The following SIGLEC5 variants were observed in gnomAD, a reference collection of about 807,000 sequenced individuals.
SIGLEC5 encodes the protein sialic acid-binding Ig-like lectin 5.
In SIGLEC5, 34 loss-of-function variants were observed where a neutral mutation model predicts 45.9. That is an observed-to-expected ratio of 0.74 (90% CI 0.56 to 0.99). SIGLEC5 has a LOEUF of 0.99. Ranked by LOEUF, SIGLEC5 falls within the 50% of genes least tolerant of loss-of-function variation. The pLI is 0.00. For missense variants in SIGLEC5, 508 were observed against 629.6 expected, an observed-to-expected ratio of 0.81 and a Z score of 2.07; for synonymous variants, 203 against 258.6, an observed-to-expected ratio of 0.79 and a Z score of 2.06.
rs1568591939 is a variant in SIGLEC5, at chr19:51,626,046, C to G, written c.1450G>C (p.Gly484Arg). The change falls in exon 8 of 9, where the codon GGT (glycine) becomes CGT (arginine). Residue 484 changes from glycine to arginine, a missense_variant. Physicochemically the swap from Gly to Arg is moderately radical, Grantham distance 125 (BLOSUM62 -2). This residue lies in a region of SIGLEC5 where 431 missense variants were observed against 428.8 expected (regional missense o/e 1.01). Coordinates refer to ENST00000683636, the MANE Select transcript of SIGLEC5 (RefSeq NM_003830.4). ...AAACCACTCACCGAGGTGATGGTAC[C>G]CATAATGGGGTCTTCATCATCCATT... ...EKMDDEDPIMGTITSGSRKKP... is the reference protein window; with the variant it reads ...EKMDDEDPIMRTITSGSRKKP... 6.2e-7 allele frequency: 1 copy of G among 1,613,788 alleles called. No homozygotes were observed.
In SIGLEC5 at chr19:51,629,271, TACACACAC is replaced by T. The variant is rs72330913; in HGVS notation, c.700+79_700+86del. The T allele has an allele frequency of 3.8e-4, 546 of 1,439,298 alleles. 1 individual carries two copies. The highest frequency in any genetic ancestry group is 1.5e-3 in the African/African-American group (101 of 67,012). The allele number at this position is 1,439,298 out of a possible 1,614,324, so 89.2% of individuals were successfully genotyped here. ...TTGTTTTGTTTCTCTCTGTCTTCCT[TACACACAC>T]ACACACACACACACACACACACACA... On this transcript the variant is annotated intron_variant, in intron 3 of 8. Coordinates refer to ENST00000683636, the MANE Select transcript of SIGLEC5 (RefSeq NM_003830.4).
rs754333092 is a variant in SIGLEC5, at chr19:51,612,231, T to C, written c.1656A>G (p.Ter552TrpextTer42). The C allele has an allele frequency of 6.9e-6, 11 of 1,590,786 alleles. No individual in the cohort carries two copies. The highest frequency in any genetic ancestry group is 9.4e-6 in the Non-Finnish European group (11 of 1,165,080). Residue 552 changes from the stop codon to tryptophan (W), a stop_lost, in exon 9 of 9, where the codon TGA becomes TGG. Transcript: ENST00000683636. ...CCAGGACTGAACTCTGGGCAAATCC[T>C]CACTTGCTTGTCTTGATCTCCGAGT... is the stretch of plus-strand genomic sequence containing the variant. ...TEYSEIKTSK* is the reference protein window; with the variant it reads ...TEYSEIKTSKW
chr19:51,625,963 G>A, intron 8 of SIGLEC5, 69 bp downstream of exon 8: 1 of 1,268,310 alleles, frequency 7.9e-7, no homozygotes, highest in Non-Finnish European at 1.2e-6. Context: ...GGGTTTGGTG[G>A]AATGCTGAAG....
chr19:51,626,078 G>C lies in SIGLEC5; in HGVS notation c.1418C>G (p.Pro473Arg). The stretch of plus-strand genomic sequence containing the variant: ...GGGGTCTTCATCATCCATTTTCTCT[G>C]GTCTCCCAGCTGCTTGCTTCCTGCG... ...KARRKQAAGR[P>R]EKMDDEDPIM... is the part of the protein sequence containing the mutation. The change falls in exon 8 of 9, where the codon CCA becomes CGA. Residue 473 changes from proline to arginine, a missense_variant. By Grantham distance (103) the Pro-to-Arg change is moderately radical. Coordinates refer to ENST00000683636, the MANE Select transcript of SIGLEC5 (RefSeq NM_003830.4). 6.2e-7 allele frequency: 1 copy of C among 1,613,874 alleles called. No individual in the cohort carries two copies. Among genetic ancestry groups the C allele is most frequent in the Non-Finnish European group, 8.5e-7 (1 of 1,180,014 alleles).
At chr19:51,628,243 T>C (rs1287399187) in intron 4 of SIGLEC5, 152 bp from the exon 5 acceptor site, 2 of 890,016 alleles carry the variant, frequency 2.2e-6, no homozygotes, top group African/African-American at 3.4e-5. Flanking sequence ...GCTGGGCCTT[T>C]GCACACTCAG....
At chr19:51,615,412 C>T (rs376674135) in intron 8 of SIGLEC5, among the ~76,000 whole-genome samples, 2 of 152,186 alleles carry the variant, frequency 1.3e-5, no homozygotes, top group South Asian at 2.1e-4. Flanking sequence ...TTTCTCTCCT[C>T]TACCCTTCCA....
intron 8 of SIGLEC5, among the ~76,000 whole-genome samples, chr19:51,616,061 C>T (rs1241349365): frequency 6.6e-6 from 1 of 152,236 alleles, no homozygotes; most frequent in African/African-American, 2.4e-5. Flanking sequence ...TAGGCGTGAG[C>T]CACCGTGCCC....
At chr19:51,623,414 G>A (rs1007491289) in intron 8 of SIGLEC5, among the ~76,000 whole-genome samples, 2 of 152,072 alleles carry the variant, frequency 1.3e-5, no homozygotes, top group Non-Finnish European at 2.9e-5. Context: ...CACATACAAT[G>A]AGAAAAATAG....
In SIGLEC5 at chr19:51,627,443, C is replaced by T. The variant is rs1280577444; in HGVS notation, c.1282+19G>A. 6.2e-7 allele frequency: 1 copy of T among 1,602,720 alleles called. No individual in the cohort carries two copies. Among genetic ancestry groups the T allele is most frequent in the South Asian group, 1.1e-5 (1 of 89,650 alleles). On this transcript the variant is annotated intron_variant, in intron 6 of 8. Transcript: ENST00000683636. ...GCCCCTCCCCTCAGGCCCCTGCCCT[C>T]TGCAATACGCCCCCTGACCTTGCAG...
Position 51,627,855 on chromosome 19 carries a change from A to G in SIGLEC5, c.976T>C (p.Phe326Leu), listed in dbSNP as rs771536838. The G allele has an allele frequency of 1.4e-5, 23 of 1,607,352 alleles. 1 individual carries two copies. The South Asian group carries it at 2.4e-4, about 17-fold the overall frequency. ...AQHPLGFLQI[F>L]LNLSVYSLPQ... The stretch of plus-strand genomic sequence containing the variant: ...TCACAGTAAACTGAGAGATTCAGAA[A>G]AATTTGCAGGAAGCCCAGCGGGTGC... The change falls in exon 5 of 9, where the codon TTT becomes CTT. Residue 326 changes from phenylalanine (F) to leucine (L), a missense_variant. Around this residue, in one of 2 missense-constraint regions of SIGLEC5, gnomAD observed 431 missense variants for 428.8 expected, o/e 1.01. Transcript: ENST00000683636.
intron 4 of SIGLEC5, 40 bp downstream of exon 4, chr19:51,628,998 C>A: frequency 6.3e-7 from 1 of 1,597,516 alleles, no homozygotes; most frequent in Non-Finnish European, 8.6e-7. Flanking sequence ...GAGACAGACC[C>A]AGAGGCAGGT....
Position 51,627,453 on chromosome 19 carries a change from C to A in SIGLEC5, c.1282+9G>T, listed in dbSNP as rs1983529155. The stretch of plus-strand genomic sequence containing the variant: ...TCAGGCCCCTGCCCTCTGCAATACG[C>A]CCCCTGACCTTGCAGCAGCAGGACA... On this transcript the variant is annotated intron_variant, in intron 6 of 8. Transcript: ENST00000683636. 3.1e-6 allele frequency: 5 copies of A among 1,608,292 alleles called. No individual in the cohort carries two copies. Among genetic ancestry groups the A allele is most frequent in the Non-Finnish European group, 4.2e-6 (5 of 1,176,834 alleles).
At chr19:51,622,985 A>G (rs1983347530) in intron 8 of SIGLEC5, among the ~76,000 whole-genome samples, 1 of 152,150 alleles carries the variant, frequency 6.6e-6, no homozygotes, top group Admixed American at 6.5e-5. Flanking sequence ...TCCATTGTGT[A>G]TATGCACAAC....
intron 4 of SIGLEC5, among the ~76,000 whole-genome samples, chr19:51,628,684 G>A (rs1983599171): frequency 6.6e-6 from 1 of 151,222 alleles, no homozygotes; most frequent in South Asian, 2.1e-4. Context: ...GTATGTGCAT[G>A]TGCCTGTGTG....
chr19:51,626,018 C>G lies in SIGLEC5; in HGVS notation c.1464+14G>C. 1 of 1,610,554 alleles carries G rather than the reference C, an allele frequency of 6.2e-7. No individual in the cohort carries two copies. Among genetic ancestry groups the G allele is most frequent in the Non-Finnish European group, 8.5e-7 (1 of 1,177,154 alleles). On this transcript the variant is annotated intron_variant, in intron 8 of 8. Coordinates refer to ENST00000683636, the MANE Select transcript of SIGLEC5 (RefSeq NM_003830.4). The stretch of plus-strand genomic sequence containing the variant: ...GAGTGGACATGCACATGAGAAGATC[C>G]CCAAACCACTCACCGAGGTGATGGT...
intron 8 of SIGLEC5, among the ~76,000 whole-genome samples, chr19:51,613,333 C>T (rs1343989653): frequency 6.6e-6 from 1 of 152,126 alleles, no homozygotes; most frequent in Non-Finnish European, 1.5e-5. Flanking sequence ...ATGACCACTC[C>T]CCAAAGAGAG....
intron 8 of SIGLEC5, among the ~76,000 whole-genome samples, chr19:51,617,359 G>A (rs893588598): frequency 1.3e-5 from 2 of 151,912 alleles, no homozygotes; most frequent in Admixed American, 6.6e-5. Context: ...AGGGCCCCAC[G>A]AGTGCAAGAA....
intron 8 of SIGLEC5, among the ~76,000 whole-genome samples, chr19:51,624,841 G>A (rs1008336034): frequency 6.6e-6 from 1 of 152,176 alleles, no homozygotes; most frequent in African/African-American, 2.4e-5. Flanking sequence ...GTGCATGCCT[G>A]TAATCCCAGC....
At position 51,628,058 on chromosome 19, in the gene SIGLEC5, G is replaced by A. The variant is rs765090595; in HGVS notation, c.773C>T (p.Pro258Leu). The A allele has an allele frequency of 7.6e-5, 119 of 1,574,724 alleles. No homozygotes were observed. Among genetic ancestry groups the A allele is most frequent in the Middle Eastern group, 1.7e-4 (1 of 5,854 alleles). The stretch of plus-strand genomic sequence containing the variant: ...CCGCAGAGCCTGGCCCTCCAGGACC[G>A]GAAGGTATGAGGTGTTTTGCAGGAT... ...LEILQNTSYL[P>L]VLEGQALRLL... is the part of the protein sequence containing the mutation. The change falls in exon 5 of 9, where the codon CCG (proline) becomes CTG (leucine). Residue 258 changes from proline to leucine, a missense_variant. This residue lies in a region of SIGLEC5 where 431 missense variants were observed against 428.8 expected (regional missense o/e 1.01). Transcript: ENST00000683636.
Sources: gnomAD v4.1 joint callset for allele counts (sites outside exome capture counted in the v4.1 genomes callset) on GRCh38, gnomAD v4.1.1 for gene constraint, gnomAD v4.1.1 regional missense constraint, MANE v1.5 for transcripts, NCBI Gene and HGNC (gene_info 2026-07-23, HGNC 2026-07-21) for gene names.